SUMF1: variants seen among roughly 807,000 people sequenced by gnomAD.
SUMF1 encodes formylglycine-generating enzyme.
SUMF1 carries 48 observed loss-of-function variants against 47.6 expected under a neutral mutation model. The ratio of observed to expected loss-of-function variants is 1.01; its 90% CI spans 0.80 to 1.28. The LOEUF (loss-of-function observed/expected upper bound fraction) is 1.28. Ranked by LOEUF, SUMF1 falls within the 50% of genes most tolerant of loss-of-function variation. SUMF1 has a pLI of 0.00. For missense variants in SUMF1, 571 were observed against 485.4 expected (o/e 1.18, Z -1.66); for synonymous variants, 230 against 192.1 (o/e 1.20, Z -1.63).
rs79678514 is a variant in SUMF1, at chr3:4,373,696, C to T, written c.1014+2634G>A. ...TTTAAAATAAGTTAATATTTAACAA[C>T]TCAATCTATGAAGTCAGCAATACCC... On this transcript the variant is annotated intron_variant, in intron 8 of 8. Coordinates refer to ENST00000272902, the MANE Select transcript of SUMF1 (RefSeq NM_182760.4). Among the ~76,000 whole-genome samples, 574 of 152,212 alleles carry T rather than the reference C, an allele frequency of 3.8e-3. 5 individuals are homozygous for T. Among genetic ancestry groups the T allele is most frequent in the African/African-American group, 0.013 (548 of 41,524 alleles).
At chr3:4,063,136 G>T (rs138038875) in intron 9 of SUMF1, among the ~76,000 whole-genome samples, 85 of 152,198 alleles carry the variant, frequency 5.6e-4, no homozygotes, top group African/African-American at 1.9e-3. Flanking sequence ...AATTAAGACA[G>T]ACACTAAGGT....
intron 8 of SUMF1, among the ~76,000 whole-genome samples, chr3:4,273,856 G>A (rs888001431): frequency 3.3e-5 from 5 of 150,424 alleles, no homozygotes; most frequent in Middle Eastern, 6.8e-3. Context: ...TGGGAAGGCA[G>A]GGCAGGTCAT....
At chr3:4,455,493 ATC>A (rs1703128670) in intron 1 of SUMF1, among the ~76,000 whole-genome samples, 4 of 152,234 alleles carry the variant, frequency 2.6e-5, no homozygotes, top group African/African-American at 9.6e-5. Context: ...AGGCAGGTGG[ATC>A]ACCTGAGGTC....
In SUMF1 at chr3:4,165,224, C is replaced by T. The variant is rs778700087; in HGVS notation, c.1015-96479G>A. Among the ~76,000 whole-genome samples the T allele has an allele frequency of 9.9e-5, 15 of 152,142 alleles. 1 individual carries two copies. Among genetic ancestry groups the T allele is most frequent in the Non-Finnish European group, 1.5e-4 (10 of 68,028 alleles). ...ATGGTTTGATCTAACAATAGCATGA[C>T]GTCTCTCCAAGTGAAGTCGAAGATT... On this transcript the variant is annotated intron_variant and NMD_transcript_variant, in intron 8 of 12. Transcript: ENST00000448413.
At chr3:4,299,630 GA>G (rs1697923630) in intron 8 of SUMF1, among the ~76,000 whole-genome samples, 1 of 152,170 alleles carries the variant, frequency 6.6e-6, no homozygotes, top group Admixed American at 6.5e-5. Context: ...TCAATTCGGT[GA>G]AACCCCAGCT....
chr3:4,140,907 G>A (rs567037201), intron 8 of SUMF1, among the ~76,000 whole-genome samples: 1 of 151,998 alleles, frequency 6.6e-6, no homozygotes, highest in African/African-American at 2.4e-5. Context: ...TTAAAGTCAA[G>A]GAAACATAAT....
At chr3:4,225,304 G>T (rs535923057) in intron 8 of SUMF1, among the ~76,000 whole-genome samples, 2 of 152,110 alleles carry the variant, frequency 1.3e-5, no homozygotes, top group Non-Finnish European at 2.9e-5. Context: ...CAGGAGCTCA[G>T]TCAGCTTCAA....
At position 4,085,646 on chromosome 3, in the gene SUMF1, T is replaced by A. The variant is rs566381174; in HGVS notation, c.1015-16901A>T. ...TCCCAGTCATTCAATAATTTCCATA[T>A]CCCTTCTCCTTCACCTAGACCACCC... On this transcript the variant is annotated intron_variant and NMD_transcript_variant, in intron 8 of 12. Transcript: ENST00000448413. Among the ~76,000 whole-genome samples, 12 of 152,136 alleles carry A rather than the reference T, an allele frequency of 7.9e-5. No individual in the cohort carries two copies. In the South Asian group the frequency reaches 1.2e-3, roughly 16 times the overall value.
Position 4,257,225 on chromosome 3 carries a change from A to G in SUMF1, c.1014+119105T>C, listed in dbSNP as rs1429117924. Among the ~76,000 whole-genome samples the G allele has an allele frequency of 3.0e-3, 271 of 90,408 alleles. 1 individual carries two copies. The highest frequency in any genetic ancestry group is 0.013 in the African/African-American group (250 of 19,084). 59.3% of individuals were successfully genotyped at this position (90,408 alleles called of 152,430 possible). A position where few individuals can be genotyped will look rare whatever the true frequency, so the allele number is the denominator to read the frequency against. On this transcript the variant is annotated intron_variant and NMD_transcript_variant, in intron 8 of 12. Transcript: ENST00000448413. ...CAAGACAGGGATGCCCTCTCTCACC[A>G]CTCCTATTCAACATAGTGTTGGAAG...
chr3:4,229,769 T>C (rs1482607634), intron 8 of SUMF1, among the ~76,000 whole-genome samples: 1 of 152,052 alleles, frequency 6.6e-6, no homozygotes, highest in Non-Finnish European at 1.5e-5. Flanking sequence ...ATCCCAGCAC[T>C]TTGGGTAGCC....
intron 2 of SUMF1, among the ~76,000 whole-genome samples, chr3:4,451,909 G>T (rs530586161): frequency 6.6e-6 from 1 of 151,924 alleles, no homozygotes; most frequent in Non-Finnish European, 1.5e-5. Flanking sequence ...GGTCTCGATC[G>T]CCTGACCTCG....
At chr3:4,158,650 T>C (rs1404844329) in intron 8 of SUMF1, among the ~76,000 whole-genome samples, 1 of 151,564 alleles carries the variant, frequency 6.6e-6, no homozygotes, top group Non-Finnish European at 1.5e-5. Context: ...CTCATATATA[T>C]CTGGGTGCTC....
intron 8 of SUMF1, among the ~76,000 whole-genome samples, chr3:4,091,108 C>G (rs532800723): frequency 1.3e-5 from 2 of 149,940 alleles, no homozygotes; most frequent in African/African-American, 4.9e-5. Context: ...AAAAAAAAAA[C>G]AAAAAACACA....
At chr3:4,331,591 G>C (rs1332329985) in intron 8 of SUMF1, among the ~76,000 whole-genome samples, 1 of 152,192 alleles carries the variant, frequency 6.6e-6, no homozygotes, top group Non-Finnish European at 1.5e-5. Context: ...AGTTTGGGAG[G>C]CTGAAGTGGG....
intron 8 of SUMF1, among the ~76,000 whole-genome samples, chr3:4,210,288 T>C (rs1324677685): frequency 6.6e-6 from 1 of 152,166 alleles, no homozygotes; most frequent in Non-Finnish European, 1.5e-5. Context: ...ATTTTCTACA[T>C]TTATTGGAAA....
intron 7 of SUMF1, among the ~76,000 whole-genome samples, chr3:4,393,117 G>A (rs968347564): frequency 6.6e-6 from 1 of 151,976 alleles, no homozygotes; most frequent in African/African-American, 2.4e-5. Flanking sequence ...TTACTTGCGC[G>A]ATCTCCCTGT....
chr3:4,221,414 GGTGTGTGTGTGT>G lies in SUMF1; in HGVS notation c.1015-152681_1015-152670del, dbSNP rs113359661. On this transcript the variant is annotated intron_variant and NMD_transcript_variant, in intron 8 of 12. Transcript: ENST00000448413. ...AAATGCTTTGGGTTTGGTTTTTTGG[GGTGTGTGTGTGT>G]GTGTGTGTGTGTGTGTGTGTGTGTG... Among the ~76,000 whole-genome samples, 129 of 148,196 alleles carry G rather than the reference GGTGTGTGTGTGT, an allele frequency of 8.7e-4. No homozygotes were observed. The Middle Eastern group carries it at 0.01, about 12-fold the overall frequency.
In SUMF1 at chr3:4,420,569, T is replaced by G. The variant is rs889376112; in HGVS notation, c.520-423A>C. Among the ~76,000 whole-genome samples the G allele has an allele frequency of 2.6e-4, 40 of 151,998 alleles. 1 individual carries two copies. Among genetic ancestry groups the G allele is most frequent in the Admixed American group, 2.6e-3 (40 of 15,270 alleles). On this transcript the variant is annotated intron_variant, in intron 3 of 8. Transcript: ENST00000272902. ...GTGCCAGCAAGCCCAGCGAATTTTT[T>G]GTATTTTTACTAGAGACAGGGTTTC...
intron 8 of SUMF1, among the ~76,000 whole-genome samples, chr3:4,144,485 G>A (rs371133044): frequency 3.1e-4 from 47 of 152,192 alleles, no homozygotes; most frequent in African/African-American, 1.0e-3. Flanking sequence ...GGATCTAGGA[G>A]AAGACAAAAA....
Sources: allele counts gnomAD v4.1 joint callset (sites outside exome capture counted in the v4.1 genomes callset), GRCh38; gene constraint gnomAD v4.1.1; transcripts MANE v1.5; gene names NCBI Gene and HGNC (gene_info 2026-07-23, HGNC 2026-07-21).